Variants in RNF185 observed in about 807,000 individuals in gnomAD.
RNF185 encodes the protein E3 ubiquitin-protein ligase RNF185.
RNF185 carries 13 observed loss-of-function variants against 24.9 expected under a neutral mutation model. The ratio of observed to expected loss-of-function variants is 0.52; its 90% CI spans 0.34 to 0.83. RNF185 has a LOEUF of 0.83. RNF185 is among the 40% of genes least tolerant of loss of function. The pLI is 0.01. For synonymous variants in RNF185, 79 were observed against 90.3 expected, an observed-to-expected ratio of 0.88 and a Z score of 0.71; for missense variants, 184 against 244.7, an observed-to-expected ratio of 0.75 and a Z score of 1.65.
At chr22:31,188,231 G>C (rs746183403) in intron 2 of RNF185, among the ~76,000 whole-genome samples, 1 of 152,172 alleles carries the variant, frequency 6.6e-6, no homozygotes, top group Non-Finnish European at 1.5e-5. Context: ...CAGAGAAATC[G>C]TGTGAAGAAA....
chr22:31,161,565 C>T (rs1923576941), intron 1 of RNF185, among the ~76,000 whole-genome samples: 1 of 152,208 alleles, frequency 6.6e-6, no homozygotes, highest in South Asian at 2.1e-4. Context: ...AACTGGGTCC[C>T]ACCCCATGGG....
intron 6 of RNF185, among the ~76,000 whole-genome samples, chr22:31,202,439 G>A (rs531248390): frequency 4.6e-5 from 7 of 152,024 alleles, no homozygotes; most frequent in African/African-American, 9.6e-5. Flanking sequence ...ATGCCCTAAA[G>A]ATGGTAACTG....
At chr22:31,171,299 A>G (rs957166804) in intron 1 of RNF185, among the ~76,000 whole-genome samples, 18 of 149,968 alleles carry the variant, frequency 1.2e-4, no homozygotes, top group Middle Eastern at 3.5e-3. Flanking sequence ...CCTCCCTAGT[A>G]GCTGGGATTA....
chr22:31,170,250 G>A (rs2047914941), intron 1 of RNF185, among the ~76,000 whole-genome samples: 1 of 152,042 alleles, frequency 6.6e-6, no homozygotes, highest in South Asian at 2.1e-4. Flanking sequence ...GTGCAGTGGT[G>A]CAATCTCTGC....
chr22:31,182,039 G>A (rs1602816551), intron 1 of RNF185, among the ~76,000 whole-genome samples: 1 of 147,584 alleles, frequency 6.8e-6, no homozygotes, highest in Middle Eastern at 3.4e-3. Flanking sequence ...TGTGTCTCTA[G>A]CAGATCAGGT....
chr22:31,180,708 A>G (rs1333154566), intron 1 of RNF185, among the ~76,000 whole-genome samples: 1 of 151,986 alleles, frequency 6.6e-6, no homozygotes, highest in African/African-American at 2.4e-5. Context: ...ATTTTCTAAT[A>G]CCTATATTCA....
intron 4 of RNF185, 93 bp from the exon 5 acceptor site, chr22:31,196,843 G>A (rs942119771): frequency 1.9e-6 from 3 of 1,542,812 alleles, no homozygotes; most frequent in Non-Finnish European, 2.6e-6. Flanking sequence ...AGAGGCTATG[G>A]CCCTGACCCT....
chr22:31,198,261 T>C (rs2048225746), intron 5 of RNF185, among the ~76,000 whole-genome samples: 1 of 152,200 alleles, frequency 6.6e-6, no homozygotes, highest in Admixed American at 6.5e-5. Context: ...TATTATTTTT[T>C]ATTTTTCCAT....
intron 1 of RNF185, among the ~76,000 whole-genome samples, chr22:31,185,164 G>A (rs552220981): frequency 5.3e-5 from 8 of 152,130 alleles, no homozygotes; most frequent in East Asian, 1.9e-4. Context: ...CGAGGCCAGC[G>A]CACGAAACTG....
chr22:31,169,695 C>T (rs1476177094), intron 1 of RNF185, among the ~76,000 whole-genome samples: 5 of 152,110 alleles, frequency 3.3e-5, no homozygotes. Context: ...CACAGGCATG[C>T]GCCACTGCTC....
chr22:31,193,935 C>G (rs1359000751), intron 3 of RNF185, among the ~76,000 whole-genome samples: 1 of 150,516 alleles, frequency 6.6e-6, no homozygotes, highest in Non-Finnish European at 1.5e-5. Flanking sequence ...TTCTGTCGCC[C>G]AGGCTAGAGT....
At chr22:31,187,372 T>TA (rs1342548165) in intron 2 of RNF185, 102 bp downstream of exon 2, 5 of 1,272,730 alleles carry the variant, frequency 3.9e-6, no homozygotes, top group Non-Finnish European at 5.6e-6. Context: ...ACTTTGGGAA[T>TA]ACACTCAGGC....
At chr22:31,177,402 C>T (rs1399255750) in intron 1 of RNF185, among the ~76,000 whole-genome samples, 1 of 152,118 alleles carries the variant, frequency 6.6e-6, no homozygotes, top group Non-Finnish European at 1.5e-5. Flanking sequence ...TTTCAGCCTT[C>T]TCTGTTCTTC....
intron 1 of RNF185, among the ~76,000 whole-genome samples, chr22:31,186,497 G>T (rs1381338145): frequency 1.3e-5 from 2 of 152,188 alleles, no homozygotes; most frequent in Non-Finnish European, 2.9e-5. Flanking sequence ...AGCTACTCGG[G>T]AGGCTGAGGC....
intron 1 of RNF185, among the ~76,000 whole-genome samples, chr22:31,172,444 A>G (rs1286365223): frequency 6.6e-6 from 1 of 151,064 alleles, no homozygotes; most frequent in African/African-American, 2.4e-5. Context: ...GCACTGTTTC[A>G]TACTTATTTA....
chr22:31,165,107 A>G (rs1923837061), intron 1 of RNF185, among the ~76,000 whole-genome samples: 1 of 148,236 alleles, frequency 6.7e-6, no homozygotes, highest in Non-Finnish European at 1.5e-5. Flanking sequence ...TAGTAGAGAC[A>G]GGGTTGCTCT....
At chr22:31,188,798 CAGAG>C (rs1451800673) in intron 2 of RNF185, among the ~76,000 whole-genome samples, 1 of 151,006 alleles carries the variant, frequency 6.6e-6, no homozygotes, top group African/African-American at 2.4e-5. Flanking sequence ...GTCTAGGCGA[CAGAG>C]AGAGACCCTG....
chr22:31,174,942 G>A (rs910646363), intron 1 of RNF185, among the ~76,000 whole-genome samples: 5 of 151,856 alleles, frequency 3.3e-5, no homozygotes, highest in Non-Finnish European at 4.4e-5. Flanking sequence ...GTGTGGTGGC[G>A]GGTGCCTGTA....
At chr22:31,164,316 CT>C (rs1465454384) in intron 1 of RNF185, among the ~76,000 whole-genome samples, 1 of 152,162 alleles carries the variant, frequency 6.6e-6, no homozygotes, top group Non-Finnish European at 1.5e-5. Context: ...TTATACTAAA[CT>C]TGCAAAAATA....
Sources: allele counts gnomAD v4.1 joint callset (sites outside exome capture counted in the v4.1 genomes callset), GRCh38; gene constraint gnomAD v4.1.1; transcripts MANE v1.5; gene names NCBI Gene and HGNC (gene_info 2026-07-23, HGNC 2026-07-21).